PADI6: variants seen among roughly 807,000 people sequenced by gnomAD.
PADI6 encodes inactive protein-arginine deiminase type-6.
A neutral mutation model predicts 78.2 loss-of-function variants in PADI6; 66 were observed. That is an observed-to-expected ratio of 0.84 (90% CI 0.69 to 1.04). PADI6 has a LOEUF of 1.04. Ranked by LOEUF, PADI6 falls within the 50% of genes least tolerant of loss-of-function variation. The pLI is 0.00. For missense variants in PADI6, 854 were observed against 866.1 expected, an observed-to-expected ratio of 0.99 and a Z score of 0.18; for synonymous variants, 397 against 346.9, an observed-to-expected ratio of 1.14 and a Z score of -1.60.
intron 11 of PADI6, 125 bp from the exon 12 acceptor site, chr1:17,394,826 A>G (rs560294783): frequency 2.6e-6 from 3 of 1,174,660 alleles, no homozygotes; most frequent in African/African-American, 1.5e-5. Flanking sequence ...CACATCCGCT[A>G]TGGACCGGCC....
chr1:17,381,055 G>A lies in PADI6; in HGVS notation c.444G>A (p.Trp148Ter), dbSNP rs2075067540. ...TCCCATCTCATTTGCAGAAAAAATGGATCTGGGGTCCCAGCGGTTGGGGTG... is the reference window on the plus strand; with the variant it reads ...TCCCATCTCATTTGCAGAAAAAATGAATCTGGGGTCCCAGCGGTTGGGGTG... Reference protein sequence around the residue: ...MSSDKQAKKKWIWGPSGWGAI... With the variant: ...MSSDKQAKKK Residue 148 changes from tryptophan (W) to a stop codon, truncating the protein, a stop_gained, in exon 5 of 16, where the codon TGG becomes TGA. Transcript: ENST00000619609. LOFTEE classifies it high-confidence loss of function. The A allele has an allele frequency of 6.3e-7, 1 of 1,598,676 alleles. No individual in the cohort carries two copies. The highest frequency in any genetic ancestry group is 8.5e-7 in the Non-Finnish European group (1 of 1,172,914).
intron 8 of PADI6, among the ~76,000 whole-genome samples, chr1:17,390,625 C>T (rs1299075904): frequency 1.4e-5 from 2 of 145,758 alleles, no homozygotes; most frequent in African/African-American, 2.5e-5. Flanking sequence ...AGACTTCTAC[C>T]CCTCTTCCAG....
At chr1:17,382,606 A>G (rs2075083966) in intron 6 of PADI6, among the ~76,000 whole-genome samples, 2 of 152,322 alleles carry the variant, frequency 1.3e-5, no homozygotes, top group South Asian at 4.1e-4. Flanking sequence ...GGCAGGTAGC[A>G]TACTCTATTC....
intron 1 of PADI6, 73 bp from the exon 2 acceptor site, chr1:17,372,983 C>T (rs2074976965): frequency 6.7e-7 from 1 of 1,488,110 alleles, no homozygotes; most frequent in Non-Finnish European, 9.2e-7. Context: ...GCCGTCCCCT[C>T]CCCCATGCCA....
intron 9 of PADI6, 98 bp from the exon 10 acceptor site, chr1:17,393,877 T>A: frequency 9.6e-7 from 1 of 1,039,226 alleles, no homozygotes; most frequent in East Asian, 2.5e-5. Context: ...TGAGCAGGAG[T>A]TGGCAGGAAG....
intron 12 of PADI6, 83 bp from the exon 13 acceptor site, chr1:17,395,457 G>T: frequency 6.7e-7 from 1 of 1,489,520 alleles, no homozygotes; most frequent in Non-Finnish European, 9.0e-7. Flanking sequence ...GCCTGCCTCG[G>T]CCTCCAAAGT....
chr1:17,392,339 A>AG, intron 9 of PADI6, 114 bp downstream of exon 9: 1 of 762,482 alleles, frequency 1.3e-6, no homozygotes, highest in East Asian at 2.7e-5. Context: ...AAGCCTTGAT[A>AG]GGGGCGGCCC....
intron 14 of PADI6, 32 bp from the exon 15 acceptor site, chr1:17,398,654 G>GCCCCC: frequency 1.4e-4 from 24 of 173,472 alleles, no homozygotes; most frequent in Middle Eastern, 2.4e-3. Context: ...TTGCTCCCCC[G>GCCCCC]CCCCCCCCCC....
chr1:17,398,649 C>CT, intron 14 of PADI6, 37 bp from the exon 15 acceptor site: 3 of 91,310 alleles, frequency 3.3e-5, no homozygotes, highest in South Asian at 4.4e-4. Flanking sequence ...TCTCCTTGCT[C>CT]CCCCGCCCCC....
At chr1:17,386,736 G>T (rs1167145370) in intron 6 of PADI6, among the ~76,000 whole-genome samples, 2 of 152,204 alleles carry the variant, frequency 1.3e-5, no homozygotes. Context: ...CCTGTAACCA[G>T]CATCCCCAGG....
At chr1:17,381,846 A>C in intron 5 of PADI6, 121 bp from the exon 6 acceptor site, 1 of 1,216,612 alleles carries the variant, frequency 8.2e-7, no homozygotes, top group Non-Finnish European at 1.2e-6. Context: ...GGGCCCTAGC[A>C]AAAGGCAGGG....
Position 17,375,433 on chromosome 1 carries a change from G to A in PADI6, c.301G>A (p.Val101Ile). 1 of 1,611,160 alleles carries A rather than the reference G, an allele frequency of 6.2e-7. No homozygotes were observed. ...SPSVDADKVS[V>I]TYYGPNEDAP... ...CGGGATGCTGTCTCCACAGGTCTCG[G>A]TCACATACTATGGGCCCAACGAGGA... is the stretch of plus-strand genomic sequence containing the variant. The change falls in exon 3 of 16, where the codon GTC becomes ATC. Residue 101 changes from valine (V) to isoleucine (I), a missense_variant. Physicochemically the swap from Val to Ile is conservative, Grantham distance 29. Transcript: ENST00000619609.
chr1:17,372,987 C>T (rs1196457582), intron 1 of PADI6, 69 bp from the exon 2 acceptor site: 3 of 1,503,602 alleles, frequency 2.0e-6, no homozygotes, highest in Non-Finnish European at 2.7e-6. Context: ...TCCCCTCCCC[C>T]ATGCCAGTCA....
At chr1:17,382,370 GAA>G (rs2075080841) in intron 6 of PADI6, among the ~76,000 whole-genome samples, 1 of 152,236 alleles carries the variant, frequency 6.6e-6, no homozygotes, top group South Asian at 2.1e-4. Context: ...GGCTAGAAGA[GAA>G]GAGAGACATA....
Position 17,394,995 on chromosome 1 carries a change from A to G in PADI6, c.1382A>G (p.Tyr461Cys), listed in dbSNP as rs1408741946. ...AMSKTLRDFL[Y>C]AQQVQAPVEL... ...AGTAAGACCCTCCGAGACTTCCTCTATGCCCAGCAGGTCCAAGCGCCGGTG... is the reference window on the plus strand; with the variant it reads ...AGTAAGACCCTCCGAGACTTCCTCTGTGCCCAGCAGGTCCAAGCGCCGGTG... Residue 461 changes from tyrosine to cysteine, a missense_variant, in exon 12 of 16, where the codon TAT (tyrosine) becomes TGT (cysteine). Tyr to Cys is a radical substitution (Grantham distance 194). Transcript: ENST00000619609. 6 of 1,613,524 alleles carry G rather than the reference A, an allele frequency of 3.7e-6. No individual in the cohort carries two copies. Among genetic ancestry groups the G allele is most frequent in the Non-Finnish European group, 5.1e-6 (6 of 1,179,910 alleles).
intron 3 of PADI6, among the ~76,000 whole-genome samples, chr1:17,376,727 C>T (rs1159186318): frequency 1.3e-5 from 2 of 151,974 alleles, no homozygotes; most frequent in Non-Finnish European, 2.9e-5. Context: ...TATTCTCCCA[C>T]CTCTCTTCCT....
intron 11 of PADI6, among the ~76,000 whole-genome samples, 152 bp downstream of exon 11, chr1:17,394,606 C>T (rs185616058): frequency 1.3e-5 from 2 of 152,230 alleles, no homozygotes; most frequent in African/African-American, 4.8e-5. Context: ...ACGTGGGAGA[C>T]TAAAGATGAG....
chr1:17,387,462 G>T (rs571411193), intron 6 of PADI6, among the ~76,000 whole-genome samples: 17 of 150,570 alleles, frequency 1.1e-4, no homozygotes, highest in South Asian at 2.1e-4. Context: ...AAAAGGAGGG[G>T]GGGGGGCCAG....
At chr1:17,397,373 A>G (rs2075257283) in intron 14 of PADI6, among the ~76,000 whole-genome samples, 1 of 152,182 alleles carries the variant, frequency 6.6e-6, no homozygotes, top group South Asian at 2.1e-4. Flanking sequence ...AGTCAAACAC[A>G]GCACGATGTA....
Sources: allele counts gnomAD v4.1 joint callset (sites outside exome capture counted in the v4.1 genomes callset), GRCh38; gene constraint gnomAD v4.1.1; transcripts MANE v1.5; gene names NCBI Gene and HGNC (gene_info 2026-07-23, HGNC 2026-07-21).